The following F13A1 variants were observed in gnomAD, a reference collection of about 807,000 sequenced individuals.
F13A1 encodes the protein FSF, A subunit.
In F13A1, 47 loss-of-function variants were observed where a neutral mutation model predicts 80.1. The observed-to-expected ratio is 0.59, with a 90% CI of 0.46 to 0.75. The LOEUF is 0.75. Ranked by LOEUF, F13A1 falls within the 30% of genes least tolerant of loss-of-function variation. The pLI is 0.00. For missense variants in F13A1, 817 were observed against 930.4 expected (o/e 0.88, Z 1.59); for synonymous variants, 349 against 344.9 (o/e 1.01, Z -0.13).
chr6:6,166,195 A>T (rs1760668675), intron 13 of F13A1, among the ~76,000 whole-genome samples: 1 of 152,202 alleles, frequency 6.6e-6, no homozygotes, highest in Admixed American at 6.5e-5. Context: ...CAGTTTTCTC[A>T]TCTGTAAAGT....
At chr6:6,237,033 G>A (rs141143507) in intron 6 of F13A1, among the ~76,000 whole-genome samples, 214 of 152,208 alleles carry the variant, frequency 1.4e-3, no homozygotes, top group African/African-American at 2.6e-3. Context: ...ACGGTGTTGT[G>A]GGGTGGGGCA....
chr6:6,289,657 G>A (rs1758196012), intron 3 of F13A1, among the ~76,000 whole-genome samples: 1 of 151,746 alleles, frequency 6.6e-6, no homozygotes, highest in South Asian at 2.1e-4. Flanking sequence ...TTCTGCTATA[G>A]TAATCTAAAA....
intron 8 of F13A1, among the ~76,000 whole-genome samples, chr6:6,213,212 C>T (rs1179448893): frequency 6.6e-6 from 1 of 151,874 alleles, no homozygotes; most frequent in Non-Finnish European, 1.5e-5. Flanking sequence ...CGAGCAACTC[C>T]AAGACACATA....
In F13A1 at chr6:6,266,646, A is replaced by G. The variant is rs776688380; in HGVS notation, c.483T>C (p.Tyr161=). 9.9e-6 allele frequency: 16 copies of G among 1,614,128 alleles called. No homozygotes were observed. The highest frequency in any genetic ancestry group is 1.3e-5 in the African/African-American group (1 of 74,948). ...PKCIVGKFRM[Y]VAVWTPYGVL... ...CGCCATAGGGAGTCCAGACAGCAAC[A>G]TACATGCGGAATTTCCCCACAATAC... The change falls in exon 4 of 15, where the codon TAT becomes TAC. Residue 161 remains tyrosine, a synonymous_variant. Coordinates refer to ENST00000264870, the MANE Select transcript of F13A1 (RefSeq NM_000129.4).
At chr6:6,154,009 T>C (rs1355464333) in intron 13 of F13A1, among the ~76,000 whole-genome samples, 1 of 151,586 alleles carries the variant, frequency 6.6e-6, no homozygotes, top group Non-Finnish European at 1.5e-5. Flanking sequence ...ATGACCAAGG[T>C]GGGATTGAAG....
chr6:6,206,323 A>G (rs1435367922), intron 8 of F13A1: 9 of 366,210 alleles, frequency 2.5e-5, no homozygotes, highest in Non-Finnish European at 4.3e-5. Flanking sequence ...AATTACTTTA[A>G]AACTAGTAAC....
intron 3 of F13A1, among the ~76,000 whole-genome samples, chr6:6,294,541 C>CACAT (rs1278289306): frequency 6.7e-6 from 1 of 149,864 alleles, no homozygotes; most frequent in African/African-American, 2.5e-5. Flanking sequence ...CACACACACA[C>CACAT]ATATATATAT....
At chr6:6,169,833 T>C (rs184860212) in intron 12 of F13A1, among the ~76,000 whole-genome samples, 39 of 152,346 alleles carry the variant, frequency 2.6e-4, no homozygotes, top group African/African-American at 8.7e-4. Context: ...TTAGAATGTA[T>C]TGGCCTATTT....
intron 8 of F13A1, among the ~76,000 whole-genome samples, chr6:6,198,488 G>A (rs1286397251): frequency 6.6e-6 from 1 of 152,146 alleles, no homozygotes; most frequent in East Asian, 1.9e-4. Flanking sequence ...CGGGTTCCGT[G>A]CCTAGACGCC....
intron 13 of F13A1, among the ~76,000 whole-genome samples, chr6:6,160,492 A>G (rs1264162263): frequency 6.6e-6 from 1 of 151,818 alleles, no homozygotes; most frequent in Non-Finnish European, 1.5e-5. Context: ...ACGCACCACT[A>G]CAGCCTGGCT....
chr6:6,259,581 C>T (rs1468334883), intron 4 of F13A1, among the ~76,000 whole-genome samples: 1 of 152,220 alleles, frequency 6.6e-6, no homozygotes, highest in East Asian at 1.9e-4. Flanking sequence ...CACAGACACA[C>T]TCCTCCCAGC....
intron 2 of F13A1, among the ~76,000 whole-genome samples, chr6:6,316,125 A>G (rs1350152853): frequency 3.4e-5 from 2 of 59,100 alleles, no homozygotes; most frequent in Non-Finnish European, 6.1e-5. Context: ...ATATATATAT[A>G]TATATATATA....
intron 6 of F13A1, among the ~76,000 whole-genome samples, chr6:6,227,649 C>G (rs929707518): frequency 2.0e-5 from 3 of 152,190 alleles, no homozygotes; most frequent in Non-Finnish European, 4.4e-5. Context: ...TTATCATTCC[C>G]TTATCACTGA....
chr6:6,237,005 A>C (rs974470958), intron 6 of F13A1, among the ~76,000 whole-genome samples: 1 of 152,164 alleles, frequency 6.6e-6, no homozygotes, highest in Non-Finnish European at 1.5e-5. Context: ...AGGGTTTTGC[A>C]AAAGAAACTC....
At chr6:6,240,621 T>C (rs189090454) in intron 6 of F13A1, among the ~76,000 whole-genome samples, 24 of 152,360 alleles carry the variant, frequency 1.6e-4, no homozygotes, top group Non-Finnish European at 2.5e-4. Context: ...TGGTTATTTA[T>C]GGAATGGATT....
chr6:6,281,818 C>T (rs1482850648), intron 3 of F13A1, among the ~76,000 whole-genome samples: 1 of 151,688 alleles, frequency 6.6e-6, no homozygotes, highest in Non-Finnish European at 1.5e-5. Context: ...TTGGTGAAAC[C>T]CCGCCTCTAC....
intron 6 of F13A1, among the ~76,000 whole-genome samples, chr6:6,227,514 T>A (rs1757293795): frequency 6.6e-6 from 1 of 152,206 alleles, no homozygotes; most frequent in South Asian, 2.1e-4. Flanking sequence ...GATCAGTACT[T>A]CTCCTTGCAG....
intron 1 of F13A1, among the ~76,000 whole-genome samples, chr6:6,319,766 A>AACC (rs1758744741): frequency 6.6e-6 from 1 of 152,318 alleles, no homozygotes; most frequent in African/African-American, 2.4e-5. Context: ...GAGAAAAGAC[A>AACC]ACCACGCCTA....
Position 6,250,734 on chromosome 6 carries a change from G to A in F13A1, c.690+77C>T, listed in dbSNP as rs3024370. 257,358 of 937,870 alleles carry A rather than the reference G, an allele frequency of 0.27. 38,975 individuals are homozygous for A. The highest frequency in any genetic ancestry group is 0.49 in the African/African-American group (30,432 of 61,850). The allele number at this position is 937,870 out of a possible 1,614,324, so 58.1% of individuals were successfully genotyped here. ...TGTGCTTGTCTAATATCGATATATG[G>A]GATCCTGTAGGGATACATGTGACAA... On this transcript the variant is annotated intron_variant, in intron 5 of 14. Transcript: ENST00000264870. The surrounding 1 kb of genome is among the most constrained non-coding windows in gnomAD (Gnocchi z 4.2).
Sources: gnomAD v4.1 joint callset for allele counts (sites outside exome capture counted in the v4.1 genomes callset) on GRCh38, gnomAD v4.1.1 for gene constraint, Gnocchi (gnomAD v3.1) non-coding constraint, MANE v1.5 for transcripts, NCBI Gene and HGNC (gene_info 2026-07-23, HGNC 2026-07-21) for gene names.